MMD2: variants seen among roughly 807,000 people sequenced by gnomAD.
MMD2 encodes the protein monocyte to macrophage differentiation associated 2.
MMD2 carries 30 observed loss-of-function variants against 33.5 expected under a neutral mutation model. The ratio of observed to expected loss-of-function variants is 0.90; its 90% CI spans 0.67 to 1.22. The LOEUF (loss-of-function observed/expected upper bound fraction) is 1.22, where lower values mean the gene tolerates loss of function less well. MMD2 is among the 50% of genes most tolerant of loss of function. The pLI, the probability that MMD2 is intolerant of heterozygous loss-of-function variation, is 0.00. For missense variants in MMD2, 364 were observed against 325.4 expected, an observed-to-expected ratio of 1.12 and a Z score of -0.91; for synonymous variants, 129 against 123.0, an observed-to-expected ratio of 1.05 and a Z score of -0.32.
chr7:4,956,568 C>T (rs1786386437), intron 1 of MMD2, among the ~76,000 whole-genome samples: 1 of 152,146 alleles, frequency 6.6e-6, no homozygotes. Flanking sequence ...GACCCATCAC[C>T]CATAGAAGCT....
At chr7:4,921,178 GC>G (rs975809738) in intron 2 of MMD2, among the ~76,000 whole-genome samples, 4 of 151,972 alleles carry the variant, frequency 2.6e-5, no homozygotes, top group African/African-American at 9.7e-5. Flanking sequence ...CCCTCTCTGG[GC>G]CACCACACAG....
chr7:4,900,407 G>A, the MMD2 span, among the ~76,000 whole-genome samples: 3,827 of 152,260 alleles, frequency 0.025, 180 homozygotes, highest in East Asian at 0.18. Flanking sequence ...GCAGAGATGT[G>A]TGCATGGGGT....
At chr7:4,911,280 G>T (rs1195206656) in intron 4 of MMD2, 34 bp from the exon 5 acceptor site, 15 of 1,528,780 alleles carry the variant, frequency 9.8e-6, no homozygotes, top group African/African-American at 1.4e-5. Flanking sequence ...ATGGCCCTGA[G>T]GGGGGCCCAC....
intron 5 of MMD2, 37 bp downstream of exon 5, chr7:4,911,108 G>A (rs1478447331): frequency 1.3e-6 from 2 of 1,517,882 alleles, no homozygotes; most frequent in Non-Finnish European, 1.8e-6. Flanking sequence ...GCATCTAAGG[G>A]AATCCCGCCT....
chr7:4,942,284 T>TGGGG (rs369853036), intron 1 of MMD2, among the ~76,000 whole-genome samples: 39 of 149,050 alleles, frequency 2.6e-4, no homozygotes, highest in African/African-American at 9.9e-4. Context: ...TCTGTAGAGA[T>TGGGG]GGGGGGGGTC....
At chr7:4,933,634 T>C (rs1462119863) in intron 1 of MMD2, among the ~76,000 whole-genome samples, 4 of 151,858 alleles carry the variant, frequency 2.6e-5, no homozygotes. Flanking sequence ...AGTTGAGGGA[T>C]AATAAATGCA....
At position 4,907,560 on chromosome 7, in the gene MMD2, C is replaced by T. The variant is rs201181716; in HGVS notation, c.577G>A (p.Val193Ile). 4 of 1,612,966 alleles carry T rather than the reference C, an allele frequency of 2.5e-6. No homozygotes were observed. The African/African-American group carries it at 5.3e-5, about 22-fold the overall frequency. Residue 193 changes from valine to isoleucine, a missense_variant, in exon 7 of 7, where the codon GTC becomes ATC. Coordinates refer to ENST00000401401, the MANE Select transcript of MMD2 (RefSeq NM_198403.4). The stretch of plus-strand genomic sequence containing the variant: ...AAGACCATGCCCAGGCAGTAGAAGA[C>T]CCCTCCGGTCACCAGCTCCCAGATG... ...EGIWELVTGG[V>I]FYCLGMVFFK...
In MMD2 at chr7:4,919,406, A is replaced by G. The variant is rs145350105; in HGVS notation, c.290+765T>C. Among the ~76,000 whole-genome samples the G allele has an allele frequency of 4.6e-5, 7 of 151,352 alleles. No individual in the cohort carries two copies. In the East Asian group the frequency reaches 1.2e-3, roughly 25 times the overall value. On this transcript the variant is annotated intron_variant, in intron 3 of 6. Coordinates refer to ENST00000401401, the MANE Select transcript of MMD2 (RefSeq NM_198403.4). ...CAACATGGTGGAACCCCATCTCTAC[A>G]AAAAGATACAAGAATTAGCCAGGCA...
chr7:4,926,623 T>C (rs1218846751), intron 1 of MMD2, among the ~76,000 whole-genome samples: 1 of 152,202 alleles, frequency 6.6e-6, no homozygotes, highest in Non-Finnish European at 1.5e-5. Context: ...TCCCCTGTTC[T>C]TGAACTTGCT....
chr7:4,930,343 T>C (rs1475783960), intron 1 of MMD2, among the ~76,000 whole-genome samples: 1 of 143,782 alleles, frequency 7.0e-6, no homozygotes, highest in Non-Finnish European at 1.5e-5. Flanking sequence ...TAGGGTTCCC[T>C]AAAAAGACAA....
At chr7:4,897,992 C>T in the MMD2 span, among the ~76,000 whole-genome samples, 1 of 152,144 alleles carries the variant, frequency 6.6e-6, no homozygotes, top group Non-Finnish European at 1.5e-5. Context: ...CCCACCTTGG[C>T]CTCCCAAAGT....
At chr7:4,945,209 CT>C (rs1012416019) in intron 1 of MMD2, among the ~76,000 whole-genome samples, 6 of 140,286 alleles carry the variant, frequency 4.3e-5, no homozygotes, top group Non-Finnish European at 4.6e-5. Flanking sequence ...TCTTCTTCTT[CT>C]TCTTCTTCTT....
In MMD2 at chr7:4,946,184, C is replaced by T. The variant is rs1001454883; in HGVS notation, c.47+12787G>A. 2.6e-5 allele frequency among the ~76,000 whole-genome samples: 4 copies of T among 151,720 alleles called. No individual in the cohort carries two copies. The highest frequency in any genetic ancestry group is 6.6e-5 in the Admixed American group (1 of 15,170). The stretch of plus-strand genomic sequence containing the variant: ...GCACACCTGCACACATGCACACACA[C>T]GCGCGCACACCCACACACACGCATG... On this transcript the variant is annotated intron_variant, in intron 1 of 6. Coordinates refer to ENST00000401401, the MANE Select transcript of MMD2 (RefSeq NM_198403.4). This position sits in a 1 kb window ranked among gnomAD's most constrained non-coding sequence, Gnocchi z 5.0.
chr7:4,947,416 CAG>C (rs1327417495), intron 1 of MMD2, among the ~76,000 whole-genome samples: 1 of 147,266 alleles, frequency 6.8e-6, no homozygotes, highest in Non-Finnish European at 1.5e-5. Context: ...TTTTTTGAGA[CAG>C]GGTCTCGCTC....
chr7:4,952,408 C>T (rs866541667), intron 1 of MMD2, among the ~76,000 whole-genome samples: 20 of 152,294 alleles, frequency 1.3e-4, no homozygotes, highest in Middle Eastern at 3.4e-3. Flanking sequence ...CAACTCAGCT[C>T]TTCAGTCAAG....
At position 4,936,323 on chromosome 7, in the gene MMD2, ACC is replaced by A. The variant is rs568747487; in HGVS notation, c.48-10793_48-10792del. Among the ~76,000 whole-genome samples, 94 of 152,266 alleles carry A rather than the reference ACC, an allele frequency of 6.2e-4. 1 individual carries two copies. In the South Asian group the frequency reaches 0.017, roughly 28 times the overall value. ...TTTCATTAGTGTAAAACACACACAC[ACC>A]CCAACATTTTAGAAACATAAATGCA... On this transcript the variant is annotated intron_variant, in intron 1 of 6. Coordinates refer to ENST00000401401, the MANE Select transcript of MMD2 (RefSeq NM_198403.4).
chr7:4,935,667 G>C (rs929316910), intron 1 of MMD2, among the ~76,000 whole-genome samples: 1 of 110,476 alleles, frequency 9.1e-6, no homozygotes, highest in Non-Finnish European at 1.7e-5. Context: ...AACAGAGCAA[G>C]ACCCTGTCTC....
At chr7:4,909,768 AG>A in intron 6 of MMD2, 112 bp downstream of exon 6, 1 of 1,420,870 alleles carries the variant, frequency 7.0e-7, no homozygotes, top group Non-Finnish European at 9.7e-7. Flanking sequence ...GCCAGGCCTC[AG>A]TTTCCCCGCC....
intron 2 of MMD2, among the ~76,000 whole-genome samples, chr7:4,920,760 C>A (rs1785262360): frequency 7.5e-6 from 1 of 133,616 alleles, no homozygotes; most frequent in Non-Finnish European, 1.5e-5. Context: ...TCTTGTCCCC[C>A]ATGCTGGAGT....
Sources: gnomAD v4.1 joint callset for allele counts (sites outside exome capture counted in the v4.1 genomes callset) on GRCh38, gnomAD v4.1.1 for gene constraint, Gnocchi (gnomAD v3.1) non-coding constraint, MANE v1.5 for transcripts, NCBI Gene and HGNC (gene_info 2026-07-23, HGNC 2026-07-21) for gene names.